The following AHNAK variants were observed in gnomAD, a reference collection of about 807,000 sequenced individuals.
The protein encoded by AHNAK is neuroblast differentiation-associated protein AHNAK.
In AHNAK, 23 loss-of-function variants were observed where a neutral mutation model predicts 37.8. The ratio of observed to expected loss-of-function variants is 0.61; its 90% CI spans 0.44 to 0.86. AHNAK has a LOEUF of 0.86. AHNAK is among the 40% of genes least tolerant of loss of function. The pLI is 0.00. For synonymous variants in AHNAK, 2,481 were observed against 2,636.3 expected (o/e 0.94, Z 1.80); for missense variants, 7,411 against 7,319.4 (o/e 1.01, Z -0.46).
Position 62,536,079 on chromosome 11 carries a change from G to A in AHNAK, c.20C>T (p.Thr7Ile), listed in dbSNP as rs951576613. MEKEET[T>I]RELLLPNWQG... is the part of the protein sequence containing the mutation. ...CCAGTTGGGCAGCAGCAGCTCCCGG[G>A]TTGTCTCCTCCTTCTCCATCTGGAA... Residue 7 changes from threonine (T) to isoleucine (I), a missense_variant, in exon 3 of 5, where the codon ACC becomes ATC. Coordinates refer to ENST00000378024, the MANE Select transcript of AHNAK (RefSeq NM_001620.3). 1.3e-6 allele frequency: 2 copies of A among 1,591,024 alleles called. No individual in the cohort carries two copies. The highest frequency in any genetic ancestry group is 1.7e-5 in the Admixed American group (1 of 58,452).
At chr11:62,453,411 G>T (rs1256379901) in intron 5 of AHNAK, among the ~76,000 whole-genome samples, 3 of 152,076 alleles carry the variant, frequency 2.0e-5, no homozygotes, top group African/African-American at 7.2e-5. Context: ...ACAATAATAA[G>T]AATAATAATT....
chr11:62,493,336 T>TTTC (rs1939541505), intron 4 of AHNAK, among the ~76,000 whole-genome samples: 2 of 115,144 alleles, frequency 1.7e-5, no homozygotes, highest in Non-Finnish European at 1.6e-5. Context: ...TTCTTTCTTT[T>TTTC]TTTTTTTTTT....
In AHNAK at chr11:62,526,018, G is replaced by A. The variant is rs200959599; in HGVS notation, c.8399C>T (p.Pro2800Leu). The A allele has an allele frequency of 1.1e-5, 17 of 1,613,170 alleles. No individual in the cohort carries two copies. Among genetic ancestry groups the A allele is most frequent in the East Asian group, 4.5e-5 (2 of 44,832 alleles). Residue 2800 changes from proline (P) to leucine (L), a missense_variant, in exon 5 of 5, where the codon CCG becomes CTG. Coordinates refer to ENST00000378024, the MANE Select transcript of AHNAK (RefSeq NM_001620.3). ...ATCGGGACATTCAACATCCACTTTC[G>A]GTCCTGAGACATCAATGTCAGCCTT... ...LPKADIDVSGPKVDVECPDVN... is the reference protein window; with the variant it reads ...LPKADIDVSGLKVDVECPDVN...
At chr11:62,464,639 G>T (rs1197438709) in intron 5 of AHNAK, among the ~76,000 whole-genome samples, 1 of 151,068 alleles carries the variant, frequency 6.6e-6, no homozygotes, top group Non-Finnish European at 1.5e-5. Flanking sequence ...CTGTACTCCA[G>T]TCTGGGCAAC....
intron 5 of AHNAK, among the ~76,000 whole-genome samples, chr11:62,470,316 T>G (rs907716056): frequency 6.6e-6 from 1 of 152,016 alleles, no homozygotes; most frequent in South Asian, 2.1e-4. Flanking sequence ...CATGGTGGCA[T>G]GCGCCTGTAA....
At chr11:62,481,340 C>A (rs1939268648) in intron 5 of AHNAK, among the ~76,000 whole-genome samples, 1 of 152,010 alleles carries the variant, frequency 6.6e-6, no homozygotes, top group Non-Finnish European at 1.5e-5. Flanking sequence ...CTCCTGATCT[C>A]AGGTAATCCA....
intron 4 of AHNAK, among the ~76,000 whole-genome samples, chr11:62,495,162 C>T (rs1349674070): frequency 6.6e-6 from 1 of 151,908 alleles, no homozygotes; most frequent in Non-Finnish European, 1.5e-5. Context: ...GTGAGACCAC[C>T]TCCCCCAACC....
chr11:62,504,400 GAATTTTT>G (rs2134176577), intron 4 of AHNAK, among the ~76,000 whole-genome samples: 1 of 152,022 alleles, frequency 6.6e-6, no homozygotes, highest in African/African-American at 2.4e-5. Context: ...TATTTTCTAG[GAATTTTT>G]CTAGGAATTT....
In AHNAK at chr11:62,520,252, G is replaced by A. The variant is rs569166165; in HGVS notation, c.14165C>T (p.Ser4722Phe). 5.6e-6 allele frequency: 9 copies of A among 1,612,228 alleles called. No homozygotes were observed. The South Asian group carries it at 8.8e-5, about 16-fold the overall frequency. ...CAGGTTTAAGTCAATATCAGGCATG[G>A]AGATCTTGGGGGCTTTGATGCTCAT... ...PEMSIKAPKI[S>F]MPDIDLNLKG... The change falls in exon 5 of 5, where the codon TCC (serine) becomes TTC (phenylalanine). Residue 4722 changes from serine (S) to phenylalanine (F), a missense_variant. Coordinates refer to ENST00000378024, the MANE Select transcript of AHNAK (RefSeq NM_001620.3).
At position 62,524,911 on chromosome 11, in the gene AHNAK, T is replaced by G. The variant is rs1037260651; in HGVS notation, c.9506A>C (p.Glu3169Ala). ...SMPGFKGEGP[E>A]VDVNLPKADL... ...AGCCTTGGGCAGGTTCACGTCCACT[T>G]CTGGACCTTCTCCTTTGAAGCCAGG... Residue 3169 changes from glutamate to alanine, a missense_variant, in exon 5 of 5, where the codon GAA becomes GCA. By Grantham distance (107) the Glu-to-Ala change is moderately radical (BLOSUM62 -1). Transcript: ENST00000378024. 9 of 1,613,740 alleles carry G rather than the reference T, an allele frequency of 5.6e-6. No individual in the cohort carries two copies. In the African/African-American group the frequency reaches 1.2e-4, roughly 22 times the overall value.
downstream of AHNAK, chr11:62,515,833 C>T (rs1940001487): frequency 2.9e-6 from 3 of 1,050,078 alleles, no homozygotes; most frequent in Non-Finnish European, 3.5e-6. Flanking sequence ...GGTCTGAACA[C>T]TCACAGCTGG....
chr11:62,529,001 G>A lies in AHNAK; in HGVS notation c.5416C>T (p.Leu1806=), dbSNP rs769258909. ...KGEIDASVPE[L]EGDLRGPQVD... ...TGCGGCCCTCTGAGATCACCTTCCA[G>A]TTCTGGCACAGAAGCATCTATCTCT... The change falls in exon 5 of 5, where the codon CTG becomes TTG. Residue 1806 remains leucine (L), a synonymous_variant. Transcript: ENST00000378024. 1.9e-6 allele frequency: 3 copies of A among 1,614,096 alleles called. No homozygotes were observed. In the Admixed American group the frequency reaches 5.0e-5, roughly 27 times the overall value.
exon 5 of AHNAK, chr11:62,491,803 C>G (rs760076087): frequency 6.2e-7 from 1 of 1,612,786 alleles, no homozygotes; most frequent in Non-Finnish European, 8.5e-7. Flanking sequence ...CTGGTCTTTG[C>G]ATTCCAGTGC....
At chr11:62,514,536 A>G (rs1247807350), downstream of AHNAK, among the ~76,000 whole-genome samples, 1 of 151,904 alleles carries the variant, frequency 6.6e-6, no homozygotes, top group East Asian at 1.9e-4. Context: ...TTTCATGCCA[A>G]CTCTTGTGCT....
chr11:62,445,993 G>A (rs1187100520), intron 5 of AHNAK, among the ~76,000 whole-genome samples: 1 of 152,164 alleles, frequency 6.6e-6, no homozygotes, highest in Non-Finnish European at 1.5e-5. Flanking sequence ...GGGCAACAGA[G>A]CAAGACACTG....
chr11:62,531,115 A>T lies in AHNAK; in HGVS notation c.3302T>A (p.Val1101Glu). ...ATCTACCTTGGGACCTCTGATGTCCACATCTGGAACCTGCATTTCACCCTC... is the reference window on the plus strand; with the variant it reads ...ATCTACCTTGGGACCTCTGATGTCCTCATCTGGAACCTGCATTTCACCCTC... ...KIEGEMQVPD[V>E]DIRGPKVDIK... is the part of the protein sequence containing the mutation. The change falls in exon 5 of 5, where the codon GTG becomes GAG. Residue 1101 changes from valine (V) to glutamate (E), a missense_variant. Coordinates refer to ENST00000378024, the MANE Select transcript of AHNAK (RefSeq NM_001620.3). 2 of 1,614,110 alleles carry T rather than the reference A, an allele frequency of 1.2e-6. No individual in the cohort carries two copies. The highest frequency in any genetic ancestry group is 1.7e-6 in the Non-Finnish European group (2 of 1,180,032).
At chr11:62,498,890 G>C (rs1183244243) in intron 4 of AHNAK, among the ~76,000 whole-genome samples, 2 of 152,214 alleles carry the variant, frequency 1.3e-5, no homozygotes, top group African/African-American at 4.8e-5. Context: ...TACTTTACCA[G>C]CTGTGATTAC....
Position 62,519,329 on chromosome 11 carries a change from T to C in AHNAK, c.15088A>G (p.Met5030Val). Reference protein sequence around the residue: ...KSKFKMPKIHMSGPKIKAKKQ... With the variant: ...KSKFKMPKIHVSGPKIKAKKQ... ...TTGGCCTTAATCTTAGGACCACTCA[T>C]ATGAATTTTAGGCATTTTAAACTTA... is the stretch of plus-strand genomic sequence containing the variant. Residue 5030 changes from methionine (M) to valine (V), a missense_variant, in exon 5 of 5, where the codon ATG becomes GTG. Physicochemically the swap from Met to Val is conservative, Grantham distance 21. Coordinates refer to ENST00000378024, the MANE Select transcript of AHNAK (RefSeq NM_001620.3). The C allele has an allele frequency of 6.2e-7, 1 of 1,614,172 alleles. No individual in the cohort carries two copies. The highest frequency in any genetic ancestry group is 8.5e-7 in the Non-Finnish European group (1 of 1,180,024).
rs199898917 is a variant in AHNAK at position 62,525,661 on chromosome 11, G to A, written c.8756C>T (p.Pro2919Leu). 1.9e-6 allele frequency: 3 copies of A among 1,613,278 alleles called. No individual in the cohort carries two copies. Among genetic ancestry groups the A allele is most frequent in the South Asian group, 1.1e-5 (1 of 91,042 alleles). ...GCCTGAGACATCAACGTCAGCCTTG[G>A]GCAGGTTCACATCCACTTCAGGGCC... The part of the protein sequence containing the change: ...AEGPEVDVNL[P>L]KADVDVSGPK... Residue 2919 changes from proline to leucine, a missense_variant, in exon 5 of 5, where the codon CCC (proline) becomes CTC (leucine). Coordinates refer to ENST00000378024, the MANE Select transcript of AHNAK (RefSeq NM_001620.3).
Sources: allele counts gnomAD v4.1 joint callset (sites outside exome capture counted in the v4.1 genomes callset), GRCh38; gene constraint gnomAD v4.1.1; transcripts MANE v1.5; gene names NCBI Gene and HGNC (gene_info 2026-07-23, HGNC 2026-07-21).